FAM13A: variants seen among roughly 807,000 people sequenced by gnomAD.
FAM13A encodes family with sequence similarity 13 member A.
Under a neutral mutation model 129.6 loss-of-function variants are expected in FAM13A, and 76 were observed. The ratio of observed to expected loss-of-function variants is 0.59; its 90% CI spans 0.49 to 0.71. The LOEUF (loss-of-function observed/expected upper bound fraction) is 0.71. Ranked by LOEUF, FAM13A falls within the 30% of genes least tolerant of loss-of-function variation. The pLI is 0.00. For synonymous variants in FAM13A, 443 were observed against 449.9 expected, an observed-to-expected ratio of 0.98 and a Z score of 0.20; for missense variants, 1,108 against 1,249.3, an observed-to-expected ratio of 0.89 and a Z score of 1.70.
chr4:88,872,876 C>T (rs922838179), intron 6 of FAM13A, among the ~76,000 whole-genome samples: 2 of 152,096 alleles, frequency 1.3e-5, no homozygotes, highest in East Asian at 1.9e-4. Context: ...AAAAATTGAC[C>T]ACATAGTTGG....
intron 4 of FAM13A, among the ~76,000 whole-genome samples, chr4:88,950,536 C>A (rs1403139382): frequency 6.6e-6 from 1 of 152,100 alleles, no homozygotes; most frequent in Non-Finnish European, 1.5e-5. Context: ...CAAAGAGTAA[C>A]TCCTATGTGT....
intron 8 of FAM13A, among the ~76,000 whole-genome samples, chr4:88,804,543 G>T (rs924163603): frequency 5.9e-5 from 9 of 152,098 alleles, no homozygotes; most frequent in Admixed American, 5.9e-4. Flanking sequence ...CTCTGGGTTT[G>T]TAAGTTTTAG....
At chr4:88,963,738 A>G (rs1476686148) in intron 4 of FAM13A, among the ~76,000 whole-genome samples, 1 of 152,206 alleles carries the variant, frequency 6.6e-6, no homozygotes, top group Non-Finnish European at 1.5e-5. Flanking sequence ...TTGTTTATAT[A>G]TTTTAGGGAC....
At chr4:88,853,782 C>A (rs1738019633) in intron 6 of FAM13A, among the ~76,000 whole-genome samples, 1 of 152,196 alleles carries the variant, frequency 6.6e-6, no homozygotes, top group African/African-American at 2.4e-5. Flanking sequence ...TCTAGGTCGA[C>A]ACCATCTAGT....
At chr4:88,733,632 GGTAGAA>G (rs1738356388) in intron 21 of FAM13A, among the ~76,000 whole-genome samples, 1 of 152,182 alleles carries the variant, frequency 6.6e-6, no homozygotes, top group Non-Finnish European at 1.5e-5. Context: ...AGGAAAACAG[GGTAGAA>G]GTATCTGACC....
intron 2 of FAM13A, among the ~76,000 whole-genome samples, chr4:89,028,298 T>G (rs2149127170): frequency 6.6e-6 from 1 of 151,498 alleles, no homozygotes; most frequent in South Asian, 2.1e-4. Context: ...TGGTCACAGG[T>G]AAGAGTGAAA....
intron 4 of FAM13A, among the ~76,000 whole-genome samples, chr4:88,979,244 C>T (rs1443432351): frequency 6.6e-6 from 1 of 152,208 alleles, no homozygotes; most frequent in Non-Finnish European, 1.5e-5. Flanking sequence ...TCACGTATTG[C>T]TGCTCACAGC....
intron 7 of FAM13A, among the ~76,000 whole-genome samples, chr4:88,844,555 G>A (rs1736342263): frequency 6.6e-6 from 1 of 152,106 alleles, no homozygotes. Flanking sequence ...AATATGACAC[G>A]TGATCGGATC....
chr4:88,952,140 T>A (rs770014939), intron 4 of FAM13A, among the ~76,000 whole-genome samples: 1 of 152,176 alleles, frequency 6.6e-6, no homozygotes, highest in Non-Finnish European at 1.5e-5. Context: ...AATGGTAATA[T>A]TCCCCAAATC....
chr4:88,815,635 CAT>C (rs773975506), intron 7 of FAM13A, among the ~76,000 whole-genome samples: 8 of 152,116 alleles, frequency 5.3e-5, no homozygotes, highest in African/African-American at 9.7e-5. Flanking sequence ...AAAGTGTACT[CAT>C]GTGTACTTGG....
At chr4:88,891,351 T>C (rs376538885) in intron 6 of FAM13A, among the ~76,000 whole-genome samples, 2 of 152,114 alleles carry the variant, frequency 1.3e-5, no homozygotes, top group African/African-American at 2.4e-5. Context: ...ACATGGGAGA[T>C]TGAGGCTGCA....
intron 13 of FAM13A, among the ~76,000 whole-genome samples, chr4:88,759,924 A>G (rs1744455377): frequency 1.3e-5 from 2 of 152,230 alleles, no homozygotes; most frequent in South Asian, 4.1e-4. Context: ...TGTCTCACAC[A>G]ATTATAAACA....
chr4:88,885,723 C>A (rs956453001), intron 6 of FAM13A, among the ~76,000 whole-genome samples: 3 of 151,996 alleles, frequency 2.0e-5, no homozygotes, highest in African/African-American at 7.2e-5. Context: ...AAGCAGACAA[C>A]CCACAGAGTG....
At chr4:88,880,468 T>A (rs1743334476) in intron 6 of FAM13A, among the ~76,000 whole-genome samples, 1 of 151,892 alleles carries the variant, frequency 6.6e-6, no homozygotes, top group South Asian at 2.1e-4. Context: ...TTTCTGACTT[T>A]GTCTCATAGG....
At chr4:88,926,616 C>CATG (rs993465843) in intron 5 of FAM13A, among the ~76,000 whole-genome samples, 48 of 152,250 alleles carry the variant, frequency 3.2e-4, no homozygotes, top group Admixed American at 2.5e-3. Flanking sequence ...CATGAGAAGA[C>CATG]ATGACTTTCT....
chr4:89,019,691 G>A (rs912702158), intron 3 of FAM13A, among the ~76,000 whole-genome samples: 2 of 147,676 alleles, frequency 1.4e-5, no homozygotes, highest in African/African-American at 2.5e-5. Flanking sequence ...AACCCAGGAG[G>A]CAGAAGTTGC....
intron 21 of FAM13A, among the ~76,000 whole-genome samples, chr4:88,734,583 T>C (rs1738587326): frequency 6.6e-6 from 1 of 152,224 alleles, no homozygotes; most frequent in African/African-American, 2.4e-5. Flanking sequence ...GTCAGGGCCA[T>C]ATGCCAGGGC....
At chr4:88,896,033 A>G (rs1333333492) in intron 6 of FAM13A, among the ~76,000 whole-genome samples, 8 of 147,920 alleles carry the variant, frequency 5.4e-5, no homozygotes, top group Non-Finnish European at 1.2e-4. Flanking sequence ...ATGTCCAACA[A>G]TGATAGACTG....
intron 10 of FAM13A, among the ~76,000 whole-genome samples, chr4:88,786,300 G>C (rs553884989): frequency 6.6e-6 from 1 of 152,264 alleles, no homozygotes; most frequent in African/African-American, 2.4e-5. Context: ...AGGGTGGAAA[G>C]CAGGATATCG....
Sources: allele counts gnomAD v4.1 joint callset (sites outside exome capture counted in the v4.1 genomes callset), GRCh38; gene constraint gnomAD v4.1.1; transcripts MANE v1.5; gene names NCBI Gene and HGNC (gene_info 2026-07-23, HGNC 2026-07-21).